The following MACROD2 variants were observed in gnomAD, a reference collection of about 807,000 sequenced individuals.
The protein encoded by MACROD2 is mono-ADP ribosylhydrolase 2, also known as ADP-ribose glycohydrolase MACROD2.
A neutral mutation model predicts 70.4 loss-of-function variants in MACROD2; 36 were observed. The ratio of observed to expected loss-of-function variants is 0.51; its 90% CI spans 0.39 to 0.68. The LOEUF is 0.68. MACROD2 is among the 30% of genes least tolerant of loss of function. The pLI is 0.00. For missense variants in MACROD2, 496 were observed against 538.4 expected (o/e 0.92, Z 0.78); for synonymous variants, 172 against 178.8 (o/e 0.96, Z 0.30).
intron 5 of MACROD2, among the ~76,000 whole-genome samples, chr20:15,005,989 G>A (rs982852857): frequency 1.3e-5 from 2 of 152,092 alleles, no homozygotes; most frequent in Non-Finnish European, 2.9e-5. Flanking sequence ...GACTCTACCT[G>A]ACATATCGTC....
intron 7 of MACROD2, among the ~76,000 whole-genome samples, chr20:15,454,656 A>ACTGCAAAAGATATACTTTGAATT (rs1283579454): frequency 5.4e-5 from 7 of 130,564 alleles, no homozygotes; most frequent in Admixed American, 8.2e-5. Flanking sequence ...AGTTTCCAGC[A>ACTGCAAAAGATATACTTTGAATT]GTCACGCTGG....
chr20:15,152,677 C>T lies in MACROD2; in HGVS notation c.419-77263C>T, dbSNP rs564404957. Among the ~76,000 whole-genome samples the T allele has an allele frequency of 1.3e-3, 195 of 151,988 alleles. 3 individuals are homozygous for T. Among genetic ancestry groups the T allele is most frequent in the African/African-American group, 4.5e-3 (188 of 41,340 alleles). ...AAGGGGTTGGGGTTCTTGCCCCTCC[C>T]CCAGAAAAGTGGGACTTGCCGCTAA... On this transcript the variant is annotated intron_variant, in intron 5 of 17. Transcript: ENST00000684519.
intron 8 of MACROD2, among the ~76,000 whole-genome samples, chr20:15,678,701 C>G (rs1194152365): frequency 6.6e-6 from 1 of 152,122 alleles, no homozygotes; most frequent in Non-Finnish European, 1.5e-5. Flanking sequence ...AAGGAAACAC[C>G]TTTCATGATT....
chr20:14,061,534 C>T (rs1003679094), intron 2 of MACROD2, among the ~76,000 whole-genome samples: 2 of 151,906 alleles, frequency 1.3e-5, no homozygotes, highest in African/African-American at 4.8e-5. Context: ...GAAAAGGTTG[C>T]GAGGGTGCTG....
intron 8 of MACROD2, among the ~76,000 whole-genome samples, chr20:15,823,605 C>T (rs1341574930): frequency 6.6e-6 from 1 of 152,150 alleles, no homozygotes; most frequent in Non-Finnish European, 1.5e-5. Flanking sequence ...TCACGGCGTT[C>T]GTAAGTTTCC....
rs528251261 is a variant in MACROD2 at position 15,462,041 on chromosome 20, G to A, written c.571+30606G>A. On this transcript the variant is annotated intron_variant, in intron 7 of 17. Transcript: ENST00000684519. ...TATTTTTTTCCTTTATGAACAAAGC[G>A]AAATTATAGATTCCACCCAAATCAT... Among the ~76,000 whole-genome samples the A allele has an allele frequency of 1.2e-4, 18 of 152,056 alleles. No homozygotes were observed. The South Asian group carries it at 2.3e-3, about 19-fold the overall frequency.
chr20:14,869,786 A>G (rs1376358714), intron 5 of MACROD2, among the ~76,000 whole-genome samples: 1 of 152,134 alleles, frequency 6.6e-6, no homozygotes, highest in Admixed American at 6.5e-5. Flanking sequence ...ATTATTAGTT[A>G]AAGTAAATGC....
chr20:15,129,109 C>T (rs182530912), intron 5 of MACROD2, among the ~76,000 whole-genome samples: 16 of 151,910 alleles, frequency 1.1e-4, no homozygotes, highest in Admixed American at 1.1e-3. Flanking sequence ...TATGTATTTA[C>T]ATTTTTATTA....
At chr20:14,153,098 T>C (rs1183153816) in intron 3 of MACROD2, among the ~76,000 whole-genome samples, 1 of 152,122 alleles carries the variant, frequency 6.6e-6, no homozygotes, top group Non-Finnish European at 1.5e-5. Context: ...ACTGCTAAGG[T>C]TATAGTTACG....
intron 5 of MACROD2, among the ~76,000 whole-genome samples, chr20:15,164,511 A>G (rs2076369689): frequency 2.0e-5 from 3 of 152,198 alleles, no homozygotes; most frequent in Non-Finnish European, 4.4e-5. Context: ...ACATATTAAA[A>G]TCCTTGAGAT....
chr20:14,583,328 A>C (rs187667653), intron 4 of MACROD2, among the ~76,000 whole-genome samples: 240 of 152,298 alleles, frequency 1.6e-3, no homozygotes, highest in African/African-American at 5.4e-3. Context: ...ATCAATCATC[A>C]GGGTCCAGAA....
chr20:14,600,379 A>G (rs1484950852), intron 4 of MACROD2, among the ~76,000 whole-genome samples: 1 of 142,156 alleles, frequency 7.0e-6, no homozygotes, highest in Non-Finnish European at 1.5e-5. Flanking sequence ...TATATATACT[A>G]TATATACACA....
At chr20:14,471,491 A>G (rs2084530250) in intron 3 of MACROD2, among the ~76,000 whole-genome samples, 1 of 152,210 alleles carries the variant, frequency 6.6e-6, no homozygotes, top group Admixed American at 6.5e-5. Context: ...CTTCAGTTAC[A>G]ATAGAGGGTT....
chr20:16,037,006 T>C lies in MACROD2; in HGVS notation c.1154-4195T>C, dbSNP rs149920210. The stretch of plus-strand genomic sequence containing the variant: ...ACTTCCCTCTGCTCCAGGAATATAG[T>C]GGTATACAGAGCTACAACTTTGATT... On this transcript the variant is annotated intron_variant, in intron 15 of 17. Coordinates refer to ENST00000684519, the MANE Select transcript of MACROD2 (RefSeq NM_001351661.2). Among the ~76,000 whole-genome samples, 144 of 152,132 alleles carry C rather than the reference T, an allele frequency of 9.5e-4. 1 individual carries two copies. In the Middle Eastern group the frequency reaches 0.017, roughly 18 times the overall value.
intron 5 of MACROD2, among the ~76,000 whole-genome samples, chr20:14,969,592 T>A (rs2074672224): frequency 6.6e-6 from 1 of 152,112 alleles, no homozygotes; most frequent in Non-Finnish European, 1.5e-5. Flanking sequence ...TATAAAGACA[T>A]TAATGATCAT....
intron 3 of MACROD2, among the ~76,000 whole-genome samples, chr20:14,404,598 C>CA (rs11482070): frequency 0.66 from 98,923 of 149,076 alleles, 34,085 homozygotes; most frequent in East Asian, 0.94. Context: ...CCCCCATCTC[C>CA]AAAAAAAAAA....
At chr20:14,153,683 T>A (rs113929838) in intron 3 of MACROD2, among the ~76,000 whole-genome samples, 2,048 of 152,320 alleles carry the variant, frequency 0.013, 17 homozygotes, top group Non-Finnish European at 0.024. Context: ...AAAAAAGATG[T>A]GATATATATG....
At chr20:15,979,427 C>T (rs973234492) in intron 13 of MACROD2, among the ~76,000 whole-genome samples, 1 of 152,128 alleles carries the variant, frequency 6.6e-6, no homozygotes. Flanking sequence ...GTGGTGGGAA[C>T]ATACACTTGT....
At chr20:15,596,369 G>A (rs867834723) in intron 8 of MACROD2, among the ~76,000 whole-genome samples, 24 of 152,280 alleles carry the variant, frequency 1.6e-4, no homozygotes, top group Middle Eastern at 3.4e-3. Context: ...AGTGAACAAT[G>A]AGGGAATGAA....
Sources: gnomAD v4.1 joint callset for allele counts (sites outside exome capture counted in the v4.1 genomes callset) on GRCh38, gnomAD v4.1.1 for gene constraint, MANE v1.5 for transcripts, NCBI Gene and HGNC (gene_info 2026-07-23, HGNC 2026-07-21) for gene names.